The following SRR variants were observed in gnomAD, a reference collection of about 807,000 sequenced individuals.
SRR encodes serine racemase, also known as D-serine ammonia-lyase.
A neutral mutation model predicts 32.7 loss-of-function variants in SRR; 19 were observed. The ratio of observed to expected loss-of-function variants is 0.58; its 90% CI spans 0.40 to 0.85. The LOEUF is 0.85. SRR is among the 40% of genes least tolerant of loss of function. The pLI, the probability that SRR is intolerant of heterozygous loss-of-function variation, is 0.00. For synonymous variants in SRR, 142 were observed against 140.9 expected, an observed-to-expected ratio of 1.01 and a Z score of -0.06; for missense variants, 373 against 404.7, an observed-to-expected ratio of 0.92 and a Z score of 0.67.
intron 1 of SRR, among the ~76,000 whole-genome samples, chr17:2,306,170 G>T (rs1269134979): frequency 6.6e-6 from 1 of 151,520 alleles, no homozygotes; most frequent in Non-Finnish European, 1.5e-5. Flanking sequence ...AAAAAAATTA[G>T]CTGGGTGTGG....
In SRR at chr17:2,324,174, A is replaced by G; in HGVS notation, c.*301A>G. On this transcript the variant is annotated 3_prime_UTR_variant, in exon 8 of 8. Transcript: ENST00000344595. ...CCTGGAGTACTGACTGGCACCGGTA[A>G]GACAGAATCTCTTTGAATCCATTAC... 6.6e-7 allele frequency: 1 copy of G among 1,513,986 alleles called. No homozygotes were observed. Among genetic ancestry groups the G allele is most frequent in the African/African-American group, 1.4e-5 (1 of 71,760 alleles). 93.8% of individuals were successfully genotyped at this position (1,513,986 alleles called of 1,614,324 possible). A position where few individuals can be genotyped will look rare whatever the true frequency, so the allele number is the denominator to read the frequency against.
intron 1 of SRR, chr17:2,307,626 G>A: frequency 1.1e-6 from 1 of 944,782 alleles, no homozygotes; most frequent in Non-Finnish European, 1.7e-6. Context: ...CCCCTATGGT[G>A]GTGCAGGCCA....
intron 1 of SRR, among the ~76,000 whole-genome samples, chr17:2,305,726 T>A (rs1190288286): frequency 1.3e-5 from 2 of 151,824 alleles, no homozygotes. Context: ...TGAGACGGAG[T>A]TTCACTCTTG....
chr17:2,304,536 C>T (rs1269840261), intron 1 of SRR, among the ~76,000 whole-genome samples: 1 of 151,552 alleles, frequency 6.6e-6, no homozygotes, highest in Non-Finnish European at 1.5e-5. Flanking sequence ...AGCCACCGCG[C>T]CCGGCCGCCC....
At chr17:2,308,600 T>C (rs1360421159) in intron 1 of SRR, among the ~76,000 whole-genome samples, 1 of 152,216 alleles carries the variant, frequency 6.6e-6, no homozygotes, top group Admixed American at 6.6e-5. Context: ...GGCTCACACC[T>C]GTAATCCCAG....
intron 1 of SRR, chr17:2,306,770 C>A: frequency 1.5e-6 from 1 of 656,114 alleles, no homozygotes; most frequent in South Asian, 1.6e-5. Flanking sequence ...AAGTCTAAGT[C>A]AGAGTCTCCT....
intron 2 of SRR, among the ~76,000 whole-genome samples, chr17:2,316,184 T>C (rs1466422230): frequency 6.6e-6 from 1 of 152,162 alleles, no homozygotes; most frequent in African/African-American, 2.4e-5. Flanking sequence ...TACAGTAACA[T>C]GCTATACAGG....
chr17:2,308,102 A>T (rs769103087), intron 1 of SRR, among the ~76,000 whole-genome samples: 1 of 151,698 alleles, frequency 6.6e-6, no homozygotes, highest in Non-Finnish European at 1.5e-5. Flanking sequence ...ATGGGTCAAA[A>T]AAGAAAACAA....
At position 2,324,359 on chromosome 17, in the gene SRR, A is replaced by C; in HGVS notation, c.*486A>C. ...TAGCTTCCCATCAAAGCTGCATTTC[A>C]TGTGGCCATGGGTACCTAGAAAGAC... On this transcript the variant is annotated 3_prime_UTR_variant, in exon 8 of 8. Coordinates refer to ENST00000344595, the MANE Select transcript of SRR (RefSeq NM_021947.3). The C allele has an allele frequency of 1.3e-6, 2 of 1,565,670 alleles. No individual in the cohort carries two copies. Among genetic ancestry groups the C allele is most frequent in the Non-Finnish European group, 1.7e-6 (2 of 1,159,336 alleles).
At chr17:2,315,815 G>A in intron 2 of SRR, 87 bp downstream of exon 2, 2 of 1,309,920 alleles carry the variant, frequency 1.5e-6, no homozygotes, top group Non-Finnish European at 2.1e-6. Flanking sequence ...CAATGAGATA[G>A]GCAGAAGTAA....
At chr17:2,313,303 G>A (rs1489251420) in intron 1 of SRR, among the ~76,000 whole-genome samples, 11 of 151,670 alleles carry the variant, frequency 7.3e-5, no homozygotes, top group African/African-American at 2.7e-4. Flanking sequence ...GGTGGCAGGC[G>A]CCTGTAATCC....
intron 2 of SRR, among the ~76,000 whole-genome samples, chr17:2,316,879 ATT>A (rs536120942): frequency 0.02 from 2,490 of 123,740 alleles, 66 homozygotes; most frequent in African/African-American, 0.063. Context: ...CGCCCAGCTA[ATT>A]TTTTTTTTTT....
chr17:2,318,112 T>G, intron 3 of SRR, 116 bp downstream of exon 3: 2 of 1,217,608 alleles, frequency 1.6e-6, no homozygotes. Flanking sequence ...AATCTCTATC[T>G]GATTGCAAGC....
At chr17:2,303,745 A>G, upstream of SRR, 2 of 1,482,286 alleles carry the variant, frequency 1.3e-6, no homozygotes, top group South Asian at 2.5e-5. Context: ...CTACAGCCGT[A>G]GCGGCTCCGC....
In SRR at chr17:2,315,662, G is replaced by A; in HGVS notation, c.102G>A (p.Leu34=). 1 of 1,613,986 alleles carries A rather than the reference G, an allele frequency of 6.2e-7. No individual in the cohort carries two copies. Among genetic ancestry groups the A allele is most frequent in the Non-Finnish European group, 8.5e-7 (1 of 1,180,006 alleles). The change falls in exon 2 of 8, where the codon TTG becomes TTA. Residue 34 remains leucine (L), a synonymous_variant. Coordinates refer to ENST00000344595, the MANE Select transcript of SRR (RefSeq NM_021947.3). ...CACCAGTGCTAACAAGCTCCATTTT[G>A]AATCAACTAACAGGGCGCAATCTTT... ...HLTPVLTSSI[L]NQLTGRNLFF...
At chr17:2,310,521 G>A (rs1229732871) in intron 1 of SRR, among the ~76,000 whole-genome samples, 1 of 151,686 alleles carries the variant, frequency 6.6e-6, no homozygotes, top group Non-Finnish European at 1.5e-5. Flanking sequence ...GGGCATAATT[G>A]ACATTTATTC....
At chr17:2,308,429 T>TAAAAAATTGTTA (rs2075409451) in intron 1 of SRR, among the ~76,000 whole-genome samples, 1 of 152,226 alleles carries the variant, frequency 6.6e-6, no homozygotes, top group Non-Finnish European at 1.5e-5. Context: ...GGACATCCTC[T>TAAAAAATTGTTA]TGGATGTTTC....
upstream of SRR, chr17:2,303,434 G>A (rs937575825): frequency 1.1e-5 from 14 of 1,293,900 alleles, no homozygotes; most frequent in Non-Finnish European, 1.3e-5. Context: ...CCCGGAGCTG[G>A]CCAGGACTGG....
In SRR at chr17:2,324,171, G is replaced by T. The variant is rs1287478248; in HGVS notation, c.*298G>T. The T allele has an allele frequency of 1.3e-6, 2 of 1,512,972 alleles. No individual in the cohort carries two copies. Among genetic ancestry groups the T allele is most frequent in the Non-Finnish European group, 1.8e-6 (2 of 1,135,518 alleles). 93.7% of individuals were successfully genotyped at this position (1,512,972 alleles called of 1,614,324 possible). ...ATCCCTGGAGTACTGACTGGCACCG[G>T]TAAGACAGAATCTCTTTGAATCCAT... On this transcript the variant is annotated 3_prime_UTR_variant, in exon 8 of 8. Coordinates refer to ENST00000344595, the MANE Select transcript of SRR (RefSeq NM_021947.3).
Sources: gnomAD v4.1 joint callset for allele counts (sites outside exome capture counted in the v4.1 genomes callset) on GRCh38, gnomAD v4.1.1 for gene constraint, MANE v1.5 for transcripts, NCBI Gene and HGNC (gene_info 2026-07-23, HGNC 2026-07-21) for gene names.